Variants in DCDC2 observed in about 807,000 individuals in gnomAD.
DCDC2 encodes doublecortin domain containing 2, also known as doublecortin domain-containing protein 2.
A neutral mutation model predicts 50.2 loss-of-function variants in DCDC2; 40 were observed. The observed-to-expected ratio is 0.80, with a 90% CI of 0.62 to 1.04. DCDC2 has a LOEUF of 1.04. Ranked by LOEUF, DCDC2 falls within the 50% of genes least tolerant of loss-of-function variation. The probability of loss-of-function intolerance (pLI) is 0.00; values close to 1 mark genes in which losing one functional copy is unlikely to be tolerated. For missense variants in DCDC2, 570 were observed against 581.9 expected, an observed-to-expected ratio of 0.98 and a Z score of 0.21; for synonymous variants, 234 against 210.6, an observed-to-expected ratio of 1.11 and a Z score of -0.96.
chr6:24,215,500 G>A (rs1234711694), intron 7 of DCDC2, among the ~76,000 whole-genome samples: 1 of 152,134 alleles, frequency 6.6e-6, no homozygotes, highest in Non-Finnish European at 1.5e-5. Flanking sequence ...TGGAGGGGGA[G>A]ATCATGGAAA....
chr6:24,250,575 T>C (rs892087247), intron 7 of DCDC2, among the ~76,000 whole-genome samples: 6 of 152,242 alleles, frequency 3.9e-5, no homozygotes, highest in African/African-American at 1.4e-4. Context: ...CAAAAGTTAC[T>C]GATGGTAACA....
chr6:24,188,896 G>A (rs1010393364), intron 8 of DCDC2, among the ~76,000 whole-genome samples: 15 of 152,026 alleles, frequency 9.9e-5, no homozygotes, highest in South Asian at 8.3e-4. Flanking sequence ...TCTCTGGCAC[G>A]CATCCAGAAT....
At chr6:24,302,173 T>C (rs986219788) in intron 2 of DCDC2, 129 bp from the exon 3 acceptor site, 12 of 718,034 alleles carry the variant, frequency 1.7e-5, no homozygotes, top group Non-Finnish European at 2.7e-5. Context: ...ACCTTGCTTT[T>C]CTCAGCATTT....
chr6:24,283,049 T>C (rs942829633), intron 6 of DCDC2, among the ~76,000 whole-genome samples: 2 of 152,174 alleles, frequency 1.3e-5, no homozygotes, highest in Non-Finnish European at 2.9e-5. Flanking sequence ...ATAAGCCAAA[T>C]GGTAATAAGG....
At chr6:24,285,493 T>A (rs1185829315) in intron 6 of DCDC2, among the ~76,000 whole-genome samples, 4 of 152,214 alleles carry the variant, frequency 2.6e-5, no homozygotes, top group African/African-American at 9.6e-5. Flanking sequence ...TCTACTCAAG[T>A]AGACCACGAG....
At chr6:24,346,951 C>T (rs951774056) in intron 2 of DCDC2, among the ~76,000 whole-genome samples, 2 of 151,960 alleles carry the variant, frequency 1.3e-5, no homozygotes, top group African/African-American at 2.4e-5. Context: ...GATAATAATA[C>T]CTGTGGAATT....
chr6:24,302,069 A>G (rs751130587), intron 2 of DCDC2, 25 bp from the exon 3 acceptor site: 4 of 1,593,220 alleles, frequency 2.5e-6, no homozygotes, highest in African/African-American at 2.7e-5. Flanking sequence ...GAAAAAAAAT[A>G]TAAACCACTA....
the DCDC2 span, among the ~76,000 whole-genome samples, chr6:24,363,444 T>G: frequency 4.5e-4 from 68 of 152,328 alleles, no homozygotes; most frequent in Admixed American, 1.3e-3. Context: ...GAGGCTGCAG[T>G]GAGCCATGCT....
At chr6:24,349,792 C>A (rs1313594964) in intron 2 of DCDC2, among the ~76,000 whole-genome samples, 1 of 152,048 alleles carries the variant, frequency 6.6e-6, no homozygotes, top group African/African-American at 2.4e-5. Context: ...CAAAATGACT[C>A]AGGAGCACAA....
intron 1 of DCDC2, chr6:24,357,247 C>T (rs1446869282): frequency 2.0e-5 from 10 of 505,416 alleles, no homozygotes; most frequent in African/African-American, 7.7e-5. Flanking sequence ...AAGTTTACTC[C>T]TACTGCTGAC....
At chr6:24,285,313 A>G (rs1763576667) in intron 6 of DCDC2, among the ~76,000 whole-genome samples, 1 of 152,194 alleles carries the variant, frequency 6.6e-6, no homozygotes. Flanking sequence ...ATGCAAATAT[A>G]CCTTATAACT....
At chr6:24,381,754 G>C in the DCDC2 span, among the ~76,000 whole-genome samples, 2 of 144,726 alleles carry the variant, frequency 1.4e-5, no homozygotes, top group Non-Finnish European at 3.0e-5. Context: ...AGAGCAGCCT[G>C]GGCAACACAA....
chr6:24,222,707 T>C (rs1377216639), intron 7 of DCDC2, among the ~76,000 whole-genome samples: 1 of 152,204 alleles, frequency 6.6e-6, no homozygotes, highest in Non-Finnish European at 1.5e-5. Flanking sequence ...TTATGTATAT[T>C]ATTTCTCGTT....
chr6:24,208,606 G>A (rs1252408740), intron 7 of DCDC2, among the ~76,000 whole-genome samples: 1 of 151,942 alleles, frequency 6.6e-6, no homozygotes, highest in African/African-American at 2.4e-5. Flanking sequence ...CCAACCTCAG[G>A]TGATCCACCC....
At chr6:24,358,935 T>TTATATAA (rs2060196052), upstream of DCDC2, among the ~76,000 whole-genome samples, 1 of 35,528 alleles carries the variant, frequency 2.8e-5, no homozygotes, top group African/African-American at 1.8e-4. Flanking sequence ...ATATTATATA[T>TTATATAA]TTTATATATT....
chr6:24,362,312 G>A (rs1463053389), upstream of DCDC2, among the ~76,000 whole-genome samples: 3 of 141,722 alleles, frequency 2.1e-5, no homozygotes, highest in Non-Finnish European at 4.6e-5. Context: ...TTAATTGTAT[G>A]TTGATACAAT....
At chr6:24,332,374 G>A (rs1759983116) in intron 2 of DCDC2, among the ~76,000 whole-genome samples, 1 of 152,136 alleles carries the variant, frequency 6.6e-6, no homozygotes, top group Non-Finnish European at 1.5e-5. Context: ...CTGTAAGGAA[G>A]GAAAATCTAG....
intron 7 of DCDC2, among the ~76,000 whole-genome samples, chr6:24,226,987 G>A (rs551311527): frequency 1.3e-5 from 2 of 152,176 alleles, no homozygotes; most frequent in Non-Finnish European, 2.9e-5. Flanking sequence ...GGAGTGTAGA[G>A]ATACCGAAGA....
At chr6:24,289,778 T>A (rs76644361) in intron 5 of DCDC2, among the ~76,000 whole-genome samples, 1 of 152,116 alleles carries the variant, frequency 6.6e-6, no homozygotes, top group African/African-American at 2.4e-5. Flanking sequence ...AGCCTCTCCA[T>A]CAAGTTACAC....
Sources: allele counts gnomAD v4.1 joint callset (sites outside exome capture counted in the v4.1 genomes callset), GRCh38; gene constraint gnomAD v4.1.1; transcripts MANE v1.5; gene names NCBI Gene and HGNC (gene_info 2026-07-23, HGNC 2026-07-21).